Variants in DYRK1A observed in about 807,000 individuals in gnomAD.
The protein encoded by DYRK1A is dual specificity tyrosine phosphorylation regulated kinase 1A.
A neutral mutation model predicts 79.7 loss-of-function variants in DYRK1A; 9 were observed. The observed-to-expected ratio is 0.11, with a 90% CI of 0.07 to 0.20. The LOEUF (loss-of-function observed/expected upper bound fraction) is 0.20. Among genes scored for constraint, DYRK1A ranks in the 10% least tolerant of loss-of-function variants. DYRK1A has a pLI of 1.00. For synonymous variants in DYRK1A, 349 were observed against 329.7 expected, an observed-to-expected ratio of 1.06 and a Z score of -0.63; for missense variants, 622 against 956.0, an observed-to-expected ratio of 0.65 and a Z score of 4.61.
chr21:37,461,008 A>G (rs1330057036), intron 2 of DYRK1A, among the ~76,000 whole-genome samples: 1 of 152,092 alleles, frequency 6.6e-6, no homozygotes, highest in Non-Finnish European at 1.5e-5. Flanking sequence ...TTGGCCTCCT[A>G]TTTCAGCTGT....
intron 1 of DYRK1A, among the ~76,000 whole-genome samples, chr21:37,389,007 G>C (rs1023129606): frequency 3.3e-5 from 5 of 151,550 alleles, no homozygotes; most frequent in African/African-American, 1.2e-4. Context: ...GCCCAGGCTG[G>C]AGTGCAGTGG....
intron 8 of DYRK1A, 64 bp from the exon 9 acceptor site, chr21:37,496,054 T>G (rs565815762): frequency 1.3e-6 from 2 of 1,506,720 alleles, no homozygotes. Flanking sequence ...AATGAATGAC[T>G]TGATGAGCAG....
At chr21:37,493,893 T>C (rs2053174680) in intron 8 of DYRK1A, among the ~76,000 whole-genome samples, 1 of 151,718 alleles carries the variant, frequency 6.6e-6, no homozygotes, top group African/African-American at 2.4e-5. Context: ...TAATAGGTGG[T>C]GTCAGAAACT....
chr21:37,372,718 T>C (rs1602350131), intron 1 of DYRK1A, among the ~76,000 whole-genome samples: 1 of 152,158 alleles, frequency 6.6e-6, no homozygotes, highest in South Asian at 2.1e-4. Context: ...ATTGAGATAA[T>C]GCATGTACAT....
intron 10 of DYRK1A, 136 bp from the exon 11 acceptor site, chr21:37,505,963 T>C (rs2053582987): frequency 1.7e-5 from 19 of 1,135,756 alleles, no homozygotes; most frequent in Non-Finnish European, 2.3e-5. Flanking sequence ...TGTGATATAC[T>C]TTCAAGTTAA....
intron 8 of DYRK1A, among the ~76,000 whole-genome samples, chr21:37,494,547 C>T (rs1297725553): frequency 6.6e-6 from 1 of 151,968 alleles, no homozygotes; most frequent in Non-Finnish European, 1.5e-5. Context: ...TTAGTGTTTG[C>T]TCTGATGTCA....
At chr21:37,407,549 C>T (rs2050170705) in intron 1 of DYRK1A, among the ~76,000 whole-genome samples, 1 of 152,126 alleles carries the variant, frequency 6.6e-6, no homozygotes, top group African/African-American at 2.4e-5. Flanking sequence ...TTGTTACTTT[C>T]AGATACTCAT....
intron 1 of DYRK1A, among the ~76,000 whole-genome samples, chr21:37,380,491 C>T (rs1314366242): frequency 6.6e-6 from 1 of 151,784 alleles, no homozygotes; most frequent in Non-Finnish European, 1.5e-5. Context: ...GGCCTGAAGG[C>T]CCACAGTTAC....
rs2148571354 is a variant in DYRK1A at position 37,478,191 on chromosome 21, A to G, written c.208-17A>G. ...TTCTGTCTATTTAAGGTGATGCCTG[A>G]TATTGTCATGTTACAGAGGCGGATG... On this transcript the variant is annotated splice_polypyrimidine_tract_variant and intron_variant, in intron 3 of 11. Transcript: ENST00000647188. The G allele has an allele frequency of 4.3e-6, 7 of 1,614,044 alleles. No homozygotes were observed. Among genetic ancestry groups the G allele is most frequent in the Non-Finnish European group, 5.9e-6 (7 of 1,179,980 alleles).
At position 37,512,943 on chromosome 21, in the gene DYRK1A, G is replaced by GT. The variant is rs1490943507; in HGVS notation, c.*413dup. On this transcript the variant is annotated 3_prime_UTR_variant, in exon 12 of 12. Coordinates refer to ENST00000647188, the MANE Select transcript of DYRK1A (RefSeq NM_001347721.2). Reference sequence around the variant, plus strand: ...GAGGGTGTTTTTTTTTTTTCTTTTTGTCCCCCCCATCCCCCTTTTTTTTTG... The same window carrying GT: ...GAGGGTGTTTTTTTTTTTTCTTTTTGTTCCCCCCCATCCCCCTTTTTTTTTG... The GT allele has an allele frequency of 3.5e-5, 2 of 57,496 alleles. No individual in the cohort carries two copies. Among genetic ancestry groups the GT allele is most frequent in the African/African-American group, 1.4e-4 (2 of 14,688 alleles). The allele number at this position is 57,496 out of a possible 1,614,324, so 3.6% of individuals were successfully genotyped here. A position where few individuals can be genotyped will look rare whatever the true frequency, so the allele number is the denominator to read the frequency against.
intron 9 of DYRK1A, among the ~76,000 whole-genome samples, chr21:37,499,217 A>G (rs1288503627): frequency 1.3e-5 from 2 of 152,098 alleles, no homozygotes; most frequent in Non-Finnish European, 2.9e-5. Flanking sequence ...GTTTTCTTCT[A>G]AAAGTTTTTT....
At chr21:37,499,869 TAG>T (rs1427308819) in intron 9 of DYRK1A, among the ~76,000 whole-genome samples, 5 of 152,148 alleles carry the variant, frequency 3.3e-5, no homozygotes, top group African/African-American at 1.2e-4. Flanking sequence ...TTCTGACAAA[TAG>T]AGTCAGCCCT....
intron 2 of DYRK1A, among the ~76,000 whole-genome samples, chr21:37,457,041 T>TTACTTACTTACTTACTTACTTACTTAC (rs1569339620): frequency 6.4e-5 from 3 of 46,972 alleles, no homozygotes; most frequent in Admixed American, 4.1e-4. Context: ...TACTTACTTA[T>TTACTTACTTACTTACTTACTTACTTAC]TTATTTATTT....
chr21:37,510,709 AC>A (rs2053724977), intron 11 of DYRK1A, among the ~76,000 whole-genome samples: 1 of 151,952 alleles, frequency 6.6e-6, no homozygotes, highest in South Asian at 2.1e-4. Flanking sequence ...CTGATCTCCT[AC>A]CATCTTGTGG....
chr21:37,497,592 C>T (rs952293472), intron 9 of DYRK1A, among the ~76,000 whole-genome samples: 1 of 152,180 alleles, frequency 6.6e-6, no homozygotes, highest in South Asian at 2.1e-4. Flanking sequence ...TGTTGTCTCT[C>T]TCTGTGATAC....
chr21:37,452,765 T>TG (rs1329329324), intron 2 of DYRK1A, among the ~76,000 whole-genome samples: 4 of 150,694 alleles, frequency 2.7e-5, no homozygotes, highest in Admixed American at 1.3e-4. Context: ...CCGTTTTTTT[T>TG]TTTTTTTTTT....
intron 10 of DYRK1A, 82 bp from the exon 11 acceptor site, chr21:37,506,017 A>G: frequency 6.8e-7 from 1 of 1,472,872 alleles, no homozygotes; most frequent in Non-Finnish European, 9.1e-7. Flanking sequence ...TTTCAGTTTT[A>G]ATGGTATAGC....
At chr21:37,433,045 AT>A (rs200897434) in intron 2 of DYRK1A, among the ~76,000 whole-genome samples, 2,189 of 116,266 alleles carry the variant, frequency 0.019, 38 homozygotes, top group African/African-American at 0.07. Flanking sequence ...GGAATTCTAA[AT>A]ATATATATAT....
intron 2 of DYRK1A, among the ~76,000 whole-genome samples, chr21:37,436,492 CT>C (rs1183284454): frequency 6.6e-6 from 1 of 152,240 alleles, no homozygotes; most frequent in Middle Eastern, 3.4e-3. Flanking sequence ...GGGCTGTCCA[CT>C]TTTTGTGTCT....
Sources: gnomAD v4.1 joint callset for allele counts (sites outside exome capture counted in the v4.1 genomes callset) on GRCh38, gnomAD v4.1.1 for gene constraint, MANE v1.5 for transcripts, NCBI Gene and HGNC (gene_info 2026-07-23, HGNC 2026-07-21) for gene names.